SYT7: variants seen among roughly 807,000 people sequenced by gnomAD.
SYT7 encodes the protein synaptotagmin-7.
In SYT7, 29 loss-of-function variants were observed where a neutral mutation model predicts 75.1. The ratio of observed to expected loss-of-function variants is 0.39; its 90% CI spans 0.29 to 0.53. The LOEUF (loss-of-function observed/expected upper bound fraction) is 0.53, where lower values mean the gene tolerates loss of function less well. Ranked by LOEUF, SYT7 falls within the 20% of genes least tolerant of loss-of-function variation. The probability of loss-of-function intolerance (pLI) is 0.77; values close to 1 mark genes in which losing one functional copy is unlikely to be tolerated. For synonymous variants in SYT7, 376 were observed against 401.7 expected, an observed-to-expected ratio of 0.94 and a Z score of 0.76; for missense variants, 693 against 953.2, an observed-to-expected ratio of 0.73 and a Z score of 3.59.
In SYT7 at chr11:61,517,517, G is replaced by A. The variant is rs1033103627; in HGVS notation, c.*1110C>T. Reference sequence around the variant, plus strand: ...ATGAATGGAAGGTCTACAAGCATTGGGGGATGGAGGGGTGGAGGAAAGAAG... The same window carrying A: ...ATGAATGGAAGGTCTACAAGCATTGAGGGATGGAGGGGTGGAGGAAAGAAG... On this transcript the variant is annotated 3_prime_UTR_variant, in exon 13 of 13. Coordinates refer to ENST00000539008, the MANE Select transcript of SYT7 (RefSeq NM_001365809.2). 16 of 399,336 alleles carry A rather than the reference G, an allele frequency of 4.0e-5. 1 individual carries two copies. The Admixed American group carries it at 6.6e-4, about 16-fold the overall frequency. 24.7% of individuals were successfully genotyped at this position (399,336 alleles called of 1,614,324 possible).
Position 61,514,552 on chromosome 11 carries a change from T to C in SYT7, c.*4075A>G, listed in dbSNP as rs1459934130. Among the ~76,000 whole-genome samples the C allele has an allele frequency of 6.6e-6, 1 of 152,174 alleles. No homozygotes were observed. Among genetic ancestry groups the C allele is most frequent in the Non-Finnish European group, 1.5e-5 (1 of 68,032 alleles). On this transcript the variant is annotated 3_prime_UTR_variant, in exon 13 of 13. Transcript: ENST00000539008. Reference sequence around the variant, plus strand: ...GTCTGAACCAGATGTAGCACCTTCCTTCTGAAGTACCCTGAGAGCTGCGGG... The same window carrying C: ...GTCTGAACCAGATGTAGCACCTTCCCTCTGAAGTACCCTGAGAGCTGCGGG...
Position 61,580,892 on chromosome 11 carries a change from G to T in SYT7, c.-72C>A, listed in dbSNP as rs537374363. 2 of 1,127,564 alleles carry T rather than the reference G, an allele frequency of 1.8e-6. No individual in the cohort carries two copies. The highest frequency in any genetic ancestry group is 2.2e-6 in the Non-Finnish European group (2 of 922,616). The allele number at this position is 1,127,564 out of a possible 1,614,324, so 69.8% of individuals were successfully genotyped here. A position where few individuals can be genotyped will look rare whatever the true frequency, so the allele number is the denominator to read the frequency against. ...GGCCGCGCGCTGCTCCGCCGCCGCC[G>T]CTGGGCATGGGGCCGGGCGACCCCC... On this transcript the variant is annotated 5_prime_UTR_variant, in exon 1 of 13. Transcript: ENST00000539008. This position sits in a 1 kb window ranked among gnomAD's most constrained non-coding sequence, Gnocchi z 6.1.
chr11:61,551,542 G>T lies in SYT7; in HGVS notation c.136-79C>A. On this transcript the variant is annotated intron_variant, in intron 2 of 12. Transcript: ENST00000539008. The surrounding 1 kb of genome is among the most constrained non-coding windows in gnomAD (Gnocchi z 5.3). ...CCTCCCCAGAACAGGGACCCGGAGGGGAAGGAGATAGACTGGAGTCGGGCC... is the reference window on the plus strand; with the variant it reads ...CCTCCCCAGAACAGGGACCCGGAGGTGAAGGAGATAGACTGGAGTCGGGCC... The T allele has an allele frequency of 6.9e-7, 1 of 1,450,678 alleles. No homozygotes were observed. The highest frequency in any genetic ancestry group is 9.6e-7 in the Non-Finnish European group (1 of 1,041,794). The allele number at this position is 1,450,678 out of a possible 1,614,324, so 89.9% of individuals were successfully genotyped here.
chr11:61,567,975 C>T (rs1246841241), intron 1 of SYT7, among the ~76,000 whole-genome samples: 2 of 152,246 alleles, frequency 1.3e-5, no homozygotes, highest in Non-Finnish European at 2.9e-5. Flanking sequence ...ACTTCCTGCT[C>T]CCTCCTCCAA....
chr11:61,559,612 T>C (rs1355377316), intron 1 of SYT7, among the ~76,000 whole-genome samples: 1 of 152,084 alleles, frequency 6.6e-6, no homozygotes, highest in Admixed American at 6.5e-5. Flanking sequence ...TGGGCTCCTC[T>C]GCTCTGATGC....
At chr11:61,535,555 G>T (rs930531367) in intron 7 of SYT7, among the ~76,000 whole-genome samples, 2 of 152,192 alleles carry the variant, frequency 1.3e-5, no homozygotes, top group African/African-American at 2.4e-5. Flanking sequence ...CGGGAGCGCA[G>T]TCTGAAGTGT....
chr11:61,523,464 C>G lies in SYT7; in HGVS notation c.1757-190G>C, dbSNP rs1005280616. 2.6e-5 allele frequency among the ~76,000 whole-genome samples: 4 copies of G among 152,086 alleles called. No homozygotes were observed. The highest frequency in any genetic ancestry group is 2.0e-4 in the Admixed American group (3 of 15,264). ...ATGGACCTTAGCGATCACCTGGGGC[C>G]CTCCTATTACTACCAATGAGGAAAC... On this transcript the variant is annotated intron_variant, in intron 11 of 12. Coordinates refer to ENST00000539008, the MANE Select transcript of SYT7 (RefSeq NM_001365809.2). The surrounding 1 kb of genome is among the most constrained non-coding windows in gnomAD (Gnocchi z 5.0).
In SYT7 at chr11:61,576,910, C is replaced by A. The variant is rs937435041; in HGVS notation, c.31+3880G>T. Among the ~76,000 whole-genome samples, 1 of 152,128 alleles carries A rather than the reference C, an allele frequency of 6.6e-6. No homozygotes were observed. The highest frequency in any genetic ancestry group is 1.5e-5 in the Non-Finnish European group (1 of 68,014). On this transcript the variant is annotated intron_variant, in intron 1 of 12. Transcript: ENST00000539008. The surrounding 1 kb of genome is among the most constrained non-coding windows in gnomAD (Gnocchi z 4.1). ...GTCAGCCAGGAGCAGAACCCAGCTG[C>A]CCAGGGCCTGTCTTTGCTCACCCAG... is the stretch of plus-strand genomic sequence containing the variant.
intron 8 of SYT7, chr11:61,530,779 G>C (rs892988663): frequency 1.0e-6 from 1 of 983,878 alleles, no homozygotes; most frequent in African/African-American, 1.7e-5. Flanking sequence ...CTGGGAAAGG[G>C]GTGGCAGCTC....
At chr11:61,586,674 C>T in the SYT7 span, among the ~76,000 whole-genome samples, 1 of 152,116 alleles carries the variant, frequency 6.6e-6, no homozygotes, top group Non-Finnish European at 1.5e-5. Flanking sequence ...CCTTCGGGTT[C>T]CAGATGAAAA....
upstream of SYT7, among the ~76,000 whole-genome samples, chr11:61,586,059 C>T (rs1436719500): frequency 1.3e-5 from 2 of 152,260 alleles, no homozygotes; most frequent in East Asian, 3.9e-4. Context: ...GCTATAGGCC[C>T]CCAAGGGTCT....
intron 8 of SYT7, among the ~76,000 whole-genome samples, chr11:61,530,080 AAC>A (rs2062657114): frequency 6.6e-6 from 1 of 152,196 alleles, no homozygotes; most frequent in Non-Finnish European, 1.5e-5. Flanking sequence ...ACACAGCTGG[AAC>A]AGTTTCCCGG....
chr11:61,541,113 T>C (rs2063030800), intron 6 of SYT7: 6 of 985,504 alleles, frequency 6.1e-6, no homozygotes, highest in Non-Finnish European at 7.2e-6. Flanking sequence ...CGGGAAGCCC[T>C]GGCTGAGGTC....
intron 6 of SYT7, chr11:61,540,459 C>G (rs1481018636): frequency 2.1e-6 from 2 of 949,856 alleles, no homozygotes; most frequent in Non-Finnish European, 2.5e-6. Context: ...TCACATGCCT[C>G]TTGCAAAGCC....
At chr11:61,540,848 C>A in intron 6 of SYT7, 1 of 985,502 alleles carries the variant, frequency 1.0e-6, no homozygotes, top group Non-Finnish European at 1.2e-6. Context: ...TGGATCACAG[C>A]CTCTGTCCCA....
chr11:61,528,715 TGA>T (rs1290726432), intron 8 of SYT7, among the ~76,000 whole-genome samples: 4 of 152,114 alleles, frequency 2.6e-5, no homozygotes, highest in Admixed American at 6.5e-5. Context: ...ATTTACAAAA[TGA>T]GAGAGGCAAG....
chr11:61,528,916 G>A (rs759062588), intron 8 of SYT7, among the ~76,000 whole-genome samples: 2 of 152,126 alleles, frequency 1.3e-5, no homozygotes, highest in Non-Finnish European at 2.9e-5. Context: ...GAGGGAGGGC[G>A]CATGGCCTGA....
chr11:61,588,011 A>C, the SYT7 span, among the ~76,000 whole-genome samples: 1 of 152,090 alleles, frequency 6.6e-6, no homozygotes, highest in African/African-American at 2.4e-5. Context: ...TGAAGACCTT[A>C]GTGGGGGTGG....
In SYT7 at chr11:61,553,824, C is replaced by A. The variant is rs190448141; in HGVS notation, c.135+2280G>T. 1.4e-4 allele frequency among the ~76,000 whole-genome samples: 22 copies of A among 152,180 alleles called. No individual in the cohort carries two copies. Among genetic ancestry groups the A allele is most frequent in the African/African-American group, 5.1e-4 (21 of 41,510 alleles). ...TGGGATCTGGGCTGTCAGGGTATCA[C>A]GTCACTGCTGCTGAGGGGACAGGCA... On this transcript the variant is annotated intron_variant, in intron 2 of 12. Coordinates refer to ENST00000539008, the MANE Select transcript of SYT7 (RefSeq NM_001365809.2). This position sits in a 1 kb window ranked among gnomAD's most constrained non-coding sequence, Gnocchi z 5.2.
Sources: allele counts gnomAD v4.1 joint callset (sites outside exome capture counted in the v4.1 genomes callset), GRCh38; gene constraint gnomAD v4.1.1; non-coding constraint Gnocchi (gnomAD v3.1); transcripts MANE v1.5; gene names NCBI Gene and HGNC (gene_info 2026-07-23, HGNC 2026-07-21).